Variants in ABCA12 observed in about 807,000 individuals in gnomAD.
The protein encoded by ABCA12 is ATP binding cassette subfamily A member 12.
A neutral mutation model predicts 293.5 loss-of-function variants in ABCA12; 156 were observed. The ratio of observed to expected loss-of-function variants is 0.53; its 90% confidence interval spans 0.47 to 0.61. The LOEUF (loss-of-function observed/expected upper bound fraction) is 0.61, where lower values mean the gene tolerates loss of function less well. ABCA12 is among the 20% of genes least tolerant of loss of function. The probability of loss-of-function intolerance (pLI) is 0.00; values close to 1 mark genes in which losing one functional copy is unlikely to be tolerated. For missense variants in ABCA12, 2,797 were observed against 3,090.2 expected (o/e 0.91, Z 2.25); for synonymous variants, 1,063 against 1,108.0 (o/e 0.96, Z 0.81).
chr2:215,030,529 G>A (rs567510710), intron 9 of ABCA12, among the ~76,000 whole-genome samples: 2 of 152,050 alleles, frequency 1.3e-5, no homozygotes, highest in South Asian at 4.2e-4. Context: ...GCGTGAAGCC[G>A]GGAGGCGGAG....
At chr2:215,027,339 C>A (rs1700771759) in intron 9 of ABCA12, among the ~76,000 whole-genome samples, 4 of 151,662 alleles carry the variant, frequency 2.6e-5, no homozygotes, top group Admixed American at 2.0e-4. Flanking sequence ...GAGCAAGACT[C>A]CATCTCAAAA....
chr2:215,113,726 C>A (rs1332626296), intron 1 of ABCA12, among the ~76,000 whole-genome samples: 1 of 151,968 alleles, frequency 6.6e-6, no homozygotes, highest in Non-Finnish European at 1.5e-5. Context: ...TTTTTATTTT[C>A]TCTAGCTTGT....
intron 27 of ABCA12, 42 bp from the exon 28 acceptor site, chr2:214,986,770 G>A: frequency 1.3e-6 from 2 of 1,554,442 alleles, no homozygotes; most frequent in South Asian, 1.1e-5. Flanking sequence ...TCACAAGTAA[G>A]GTAATGCAGC....
rs17493319 is a variant in ABCA12 at position 214,975,690 on chromosome 2, C to A, written c.5381+95G>T. 0.51 allele frequency: 781,235 copies of A among 1,536,384 alleles called. 200,388 individuals are homozygous for A. Among genetic ancestry groups the A allele is most frequent in the South Asian group, 0.57 (50,541 of 88,672 alleles). On this transcript the variant is annotated intron_variant, in intron 34 of 52. Transcript: ENST00000272895. ...AATCAGGTACCATGGCTTCTAAGTA[C>A]TTTATTCTCCAGATCTCATGGCCTT...
rs777977300 is a variant in ABCA12 at position 214,949,067 on chromosome 2, C to T, written c.6935G>A (p.Gly2312Glu). ...MLTGDIIPSS[G>E]NILIRNKTGS... ...GGTCTTATTTCTGATCAGAATGTTT[C>T]CACTTGAAGGAATGATGTCTCCTGT... Residue 2312 changes from glycine to glutamate, a missense_variant, in exon 46 of 53, where the codon GGA becomes GAA. Physicochemically the swap from Gly to Glu is moderately conservative, Grantham distance 98. Around this residue, in one of 3 missense-constraint regions of ABCA12, gnomAD observed 2,130 missense variants for 2,427.0 expected, o/e 0.88. Coordinates refer to ENST00000272895, the MANE Select transcript of ABCA12 (RefSeq NM_173076.3). 6.2e-7 allele frequency: 1 copy of T among 1,613,616 alleles called. No individual in the cohort carries two copies. The highest frequency in any genetic ancestry group is 1.3e-5 in the African/African-American group (1 of 74,928).
intron 9 of ABCA12, among the ~76,000 whole-genome samples, chr2:215,030,582 C>T (rs1159580097): frequency 2.1e-5 from 3 of 142,788 alleles, no homozygotes; most frequent in Non-Finnish European, 3.0e-5. Context: ...CCAGCCTGGG[C>T]GACAGAGCCA....
intron 27 of ABCA12, among the ~76,000 whole-genome samples, chr2:214,987,040 T>C (rs924578520): frequency 2.6e-5 from 4 of 152,168 alleles, no homozygotes; most frequent in African/African-American, 9.7e-5. Flanking sequence ...TAAGGCTTGG[T>C]CCTCTGGTTG....
At chr2:214,939,608 T>C (rs962634057) in intron 50 of ABCA12, among the ~76,000 whole-genome samples, 2 of 152,134 alleles carry the variant, frequency 1.3e-5, no homozygotes, top group Non-Finnish European at 2.9e-5. Context: ...ATGGAATGTT[T>C]TTCCATTTGT....
At position 214,980,603 on chromosome 2, in the gene ABCA12, A is replaced by G; in HGVS notation, c.4620T>C (p.Ala1540=). ...IILSTHHLDE[A]EVLSDRIAFL... ...AGGCGATGCGGTCACTCAGCACTTCAGCCTCGTCCAAGTGGTGCGTTGACA... is the reference window on the plus strand; with the variant it reads ...AGGCGATGCGGTCACTCAGCACTTCGGCCTCGTCCAAGTGGTGCGTTGACA... The change falls in exon 31 of 53, where the codon GCT becomes GCC. Residue 1540 remains alanine, a synonymous_variant. Transcript: ENST00000272895. 1 of 1,614,114 alleles carries G rather than the reference A, an allele frequency of 6.2e-7. No individual in the cohort carries two copies. Among genetic ancestry groups the G allele is most frequent in the Non-Finnish European group, 8.5e-7 (1 of 1,179,992 alleles).
At chr2:215,012,474 G>A (rs1290099690) in intron 15 of ABCA12, among the ~76,000 whole-genome samples, 1 of 152,102 alleles carries the variant, frequency 6.6e-6, no homozygotes, top group East Asian at 1.9e-4. Context: ...ACTGATACAT[G>A]TACAATATGT....
At chr2:215,114,081 TCTC>T (rs1483933094) in intron 1 of ABCA12, among the ~76,000 whole-genome samples, 1 of 152,112 alleles carries the variant, frequency 6.6e-6, no homozygotes, top group African/African-American at 2.4e-5. Flanking sequence ...TTCAAGCAAT[TCTC>T]CTGCCTCAGC....
At chr2:215,061,112 G>T (rs1445003447) in intron 3 of ABCA12, among the ~76,000 whole-genome samples, 1 of 152,098 alleles carries the variant, frequency 6.6e-6, no homozygotes, top group African/African-American at 2.4e-5. Context: ...AAGGAGGAAA[G>T]AAAAGGGTAA....
rs768226769 is a variant in ABCA12 at position 214,987,638 on chromosome 2, T to G, written c.3976+9A>C. 1 of 1,610,092 alleles carries G rather than the reference T, an allele frequency of 6.2e-7. No individual in the cohort carries two copies. Among genetic ancestry groups the G allele is most frequent in the South Asian group, 1.1e-5 (1 of 90,828 alleles). The stretch of plus-strand genomic sequence containing the variant: ...ATAACAAAGCACGCTGTTGACCGAC[T>G]TGTCTTACTGGCAGATGGGTTGGTG... On this transcript the variant is annotated intron_variant, in intron 27 of 52. Transcript: ENST00000272895.
intron 8 of ABCA12, chr2:215,032,109 TC>T (rs1371351798): frequency 7.1e-7 from 1 of 1,413,704 alleles, no homozygotes. Context: ...ATCAAAATAA[TC>T]CCGATGGTCA....
At chr2:215,022,309 T>A (rs537801460) in intron 11 of ABCA12, 1 of 152,258 alleles carries the variant, frequency 6.6e-6, no homozygotes, top group East Asian at 1.9e-4. Flanking sequence ...AAGAGGACAT[T>A]GGAAATCTAG....
Position 215,018,128 on chromosome 2 carries a change from C to T in ABCA12, c.1662G>A (p.Gln554=), listed in dbSNP as rs374251159. 1.2e-5 allele frequency: 19 copies of T among 1,612,566 alleles called. No individual in the cohort carries two copies. In the African/African-American group the frequency reaches 2.5e-4, roughly 21 times the overall value. The change falls in exon 14 of 53, where the codon CAG becomes CAA. Residue 554 remains glutamine, a synonymous_variant. Transcript: ENST00000272895. Reference sequence around the variant, plus strand: ...CAACATTTTTAAACATTTCTAGTAACTGACCTGCAAGAAGAAAAATGTAAA... The same window carrying T: ...CAACATTTTTAAACATTTCTAGTAATTGACCTGCAAGAAGAAAAATGTAAA... ...NSADASEKPG[Q]LLEMFKNVEE... is the part of the protein sequence containing the mutation.
rs1367961837 is a variant in ABCA12, at chr2:215,013,555, G to A, written c.1957-1420C>T. ...ACATTTTTTTCTATTTTCTATTGCA[G>A]TTCTGCCAGAATTCTAGGCATTCCC... On this transcript the variant is annotated intron_variant, in intron 15 of 52. Coordinates refer to ENST00000272895, the MANE Select transcript of ABCA12 (RefSeq NM_173076.3). The A allele has an allele frequency of 2.6e-5, 4 of 154,256 alleles. 1 individual carries two copies. The highest frequency in any genetic ancestry group is 5.1e-4 in the Middle Eastern group (1 of 1,946). The allele number at this position is 154,256 out of a possible 1,614,324, so 9.6% of individuals were successfully genotyped here. A position where few individuals can be genotyped will look rare whatever the true frequency, so the allele number is the denominator to read the frequency against.
intron 2 of ABCA12, among the ~76,000 whole-genome samples, chr2:215,099,923 T>A (rs1457510484): frequency 6.6e-6 from 1 of 152,062 alleles, no homozygotes; most frequent in Non-Finnish European, 1.5e-5. Context: ...CTTCACAGAC[T>A]TCCAATGTTT....
intron 7 of ABCA12, chr2:215,042,163 G>A (rs1168152111): frequency 6.6e-6 from 1 of 152,150 alleles, no homozygotes; most frequent in Non-Finnish European, 1.5e-5. Context: ...CTCATGTTAA[G>A]TGTTCTTATG....
Sources: gnomAD v4.1 joint callset for allele counts (sites outside exome capture counted in the v4.1 genomes callset) on GRCh38, gnomAD v4.1.1 for gene constraint, gnomAD v4.1.1 regional missense constraint, MANE v1.5 for transcripts, NCBI Gene and HGNC (gene_info 2026-07-23, HGNC 2026-07-21) for gene names.